NFATC3: variants seen among roughly 807,000 people sequenced by gnomAD.
NFATC3 encodes the protein nuclear factor of activated T-cells, cytoplasmic 3.
A neutral mutation model predicts 98.6 loss-of-function variants in NFATC3; 46 were observed. That is an observed-to-expected ratio of 0.47 (90% confidence interval 0.37 to 0.60). The LOEUF (loss-of-function observed/expected upper bound fraction) is 0.60, where lower values mean the gene tolerates loss of function less well. NFATC3 is among the 20% of genes least tolerant of loss of function. The pLI, the probability that NFATC3 is intolerant of heterozygous loss-of-function variation, is 0.00. For missense variants in NFATC3, 1,256 were observed against 1,295.5 expected (o/e 0.97, Z 0.47); for synonymous variants, 512 against 472.2 (o/e 1.08, Z -1.09).
intron 3 of NFATC3, among the ~76,000 whole-genome samples, chr16:68,135,380 C>T (rs2037338507): frequency 6.7e-6 from 1 of 148,756 alleles, no homozygotes; most frequent in Non-Finnish European, 1.5e-5. Flanking sequence ...ATGGTGTGAA[C>T]CCGGGAGGCA....
chr16:68,148,972 G>T (rs1202574746), intron 3 of NFATC3, among the ~76,000 whole-genome samples: 1 of 151,958 alleles, frequency 6.6e-6, no homozygotes, highest in South Asian at 2.1e-4. Flanking sequence ...CTCCAGCCTG[G>T]GCAACACAGC....
chr16:68,202,772 A>G (rs964229084), intron 9 of NFATC3, among the ~76,000 whole-genome samples: 11 of 152,290 alleles, frequency 7.2e-5, no homozygotes, highest in African/African-American at 2.6e-4. Flanking sequence ...AGATCGTGCC[A>G]TTGCACTCCA....
intron 1 of NFATC3, among the ~76,000 whole-genome samples, chr16:68,114,380 C>T (rs953165742): frequency 6.6e-6 from 1 of 152,150 alleles, no homozygotes; most frequent in Non-Finnish European, 1.5e-5. Flanking sequence ...TTCTAATCAG[C>T]CATCTTGGCT....
rs1026605101 is a variant in NFATC3 at position 68,227,553 on chromosome 16, G to C, written c.*1082G>C. 5 of 152,216 alleles carry C rather than the reference G, an allele frequency of 3.3e-5. No individual in the cohort carries two copies. Among genetic ancestry groups the C allele is most frequent in the Non-Finnish European group, 7.3e-5 (5 of 68,058 alleles). The allele number at this position is 152,216 out of a possible 1,614,324, so 9.4% of individuals were successfully genotyped here. On this transcript the variant is annotated 3_prime_UTR_variant, in exon 10 of 10. Coordinates refer to ENST00000346183, the MANE Select transcript of NFATC3 (RefSeq NM_173165.3). ...TGGGAAGGTTTTAAGAGTCACACTGGCATGGAAGGCTTATCTGCCATTCTA... is the reference window on the plus strand; with the variant it reads ...TGGGAAGGTTTTAAGAGTCACACTGCCATGGAAGGCTTATCTGCCATTCTA...
chr16:68,146,820 T>A (rs1342654660), intron 3 of NFATC3, among the ~76,000 whole-genome samples: 1 of 152,256 alleles, frequency 6.6e-6, no homozygotes, highest in South Asian at 2.1e-4. Context: ...TGGCTTACTT[T>A]CTTCTGCGAA....
chr16:68,090,758 A>G (rs1200199397), intron 1 of NFATC3, among the ~76,000 whole-genome samples: 1 of 152,138 alleles, frequency 6.6e-6, no homozygotes, highest in Non-Finnish European at 1.5e-5. Flanking sequence ...TAGAAATTTA[A>G]TGGTGTGTTT....
At chr16:68,107,254 A>G (rs962428664) in intron 1 of NFATC3, among the ~76,000 whole-genome samples, 20 of 152,222 alleles carry the variant, frequency 1.3e-4, no homozygotes, top group African/African-American at 1.9e-4. Context: ...TCCTTTGGGT[A>G]TATACCCAGT....
intron 9 of NFATC3, among the ~76,000 whole-genome samples, chr16:68,199,632 A>G (rs2085456138): frequency 6.6e-6 from 1 of 150,614 alleles, no homozygotes; most frequent in South Asian, 2.1e-4. Flanking sequence ...TCTGTCGCCC[A>G]GGCTGGAGTG....
intron 1 of NFATC3, among the ~76,000 whole-genome samples, chr16:68,119,086 C>T (rs1010326389): frequency 9.2e-5 from 14 of 152,114 alleles, no homozygotes; most frequent in Non-Finnish European, 1.6e-4. Context: ...CCAGCATGGT[C>T]GTGATCTCCT....
intron 3 of NFATC3, among the ~76,000 whole-genome samples, chr16:68,147,162 C>T (rs1405430421): frequency 6.6e-6 from 1 of 152,124 alleles, no homozygotes; most frequent in Non-Finnish European, 1.5e-5. Flanking sequence ...TGGCTTATGA[C>T]TTTGTGAAGC....
At chr16:68,199,255 G>C (rs1405878599) in intron 9 of NFATC3, among the ~76,000 whole-genome samples, 1 of 146,296 alleles carries the variant, frequency 6.8e-6, no homozygotes, top group Non-Finnish European at 1.5e-5. Flanking sequence ...ACAGAGTCTC[G>C]CTCTGTCGCC....
intron 3 of NFATC3, among the ~76,000 whole-genome samples, chr16:68,148,598 G>A (rs1357065232): frequency 6.6e-6 from 1 of 152,162 alleles, no homozygotes; most frequent in East Asian, 1.9e-4. Flanking sequence ...AGCAGCACAA[G>A]TCATTTTGCA....
intron 1 of NFATC3, chr16:68,089,689 A>G (rs1475181276): frequency 6.6e-6 from 1 of 152,254 alleles, no homozygotes; most frequent in Admixed American, 6.5e-5. Flanking sequence ...TAAAATAGGT[A>G]CATGTTTAAT....
intron 1 of NFATC3, among the ~76,000 whole-genome samples, chr16:68,103,188 TTTATTTTA>T (rs2035465632): frequency 6.6e-6 from 1 of 150,940 alleles, no homozygotes; most frequent in South Asian, 2.1e-4. Flanking sequence ...TTCTTTTTTT[TTTATTTTA>T]TTATTATTAT....
chr16:68,123,699 A>G (rs989603113), intron 2 of NFATC3, among the ~76,000 whole-genome samples: 2 of 152,046 alleles, frequency 1.3e-5, no homozygotes, highest in African/African-American at 4.8e-5. Flanking sequence ...GAATTTAATT[A>G]CTAAGAAAAC....
rs1431433809 is a variant in NFATC3 at position 68,167,027 on chromosome 16, T to C, written c.1774+12T>C. ...ACCCGTTGAGTGCTGTAAGTGAGCT[T>C]GTGATGATGTTTTAAGATCTTGTGT... On this transcript the variant is annotated intron_variant, in intron 5 of 9. Transcript: ENST00000346183. 6.2e-7 allele frequency: 1 copy of C among 1,604,902 alleles called. No homozygotes were observed. Among genetic ancestry groups the C allele is most frequent in the East Asian group, 2.2e-5 (1 of 44,792 alleles).
At chr16:68,196,484 A>G (rs557911806) in intron 9 of NFATC3, among the ~76,000 whole-genome samples, 37 of 152,316 alleles carry the variant, frequency 2.4e-4, no homozygotes, top group Middle Eastern at 6.8e-3. Context: ...TTGCCTTTGA[A>G]GGTAGAATTT....
At chr16:68,086,547 TAGAAAC>T (rs2034389428) in intron 1 of NFATC3, 1 of 659,652 alleles carries the variant, frequency 1.5e-6, no homozygotes, top group Admixed American at 6.3e-5. Flanking sequence ...AATCAGGAAA[TAGAAAC>T]AGGATGACTG....
At chr16:68,097,395 GT>G (rs2035073586) in intron 1 of NFATC3, among the ~76,000 whole-genome samples, 1 of 152,226 alleles carries the variant, frequency 6.6e-6, no homozygotes, top group African/African-American at 2.4e-5. Flanking sequence ...TGTATGTCTA[GT>G]TTGAAGCATC....
Sources: allele counts gnomAD v4.1 joint callset (sites outside exome capture counted in the v4.1 genomes callset), GRCh38; gene constraint gnomAD v4.1.1; transcripts MANE v1.5; gene names NCBI Gene and HGNC (gene_info 2026-07-23, HGNC 2026-07-21).